NDUFS7: variants seen among roughly 807,000 people sequenced by gnomAD.
NDUFS7 encodes NADH:ubiquinone oxidoreductase core subunit S7.
NDUFS7 carries 11 observed loss-of-function variants against 31.1 expected under a neutral mutation model. That is an observed-to-expected ratio of 0.35 (90% CI 0.22 to 0.59). The LOEUF (loss-of-function observed/expected upper bound fraction) is 0.59. Ranked by LOEUF, NDUFS7 falls within the 20% of genes least tolerant of loss-of-function variation. NDUFS7 has a pLI of 0.79. For missense variants in NDUFS7, 263 were observed against 324.2 expected (o/e 0.81, Z 1.45); for synonymous variants, 136 against 127.9 (o/e 1.06, Z -0.43).
intron 4 of NDUFS7, chr19:1,390,494 T>C (rs73920449): frequency 0.087 from 29,978 of 343,238 alleles, 3,165 homozygotes; most frequent in African/African-American, 0.29. Flanking sequence ...ACTTGGTATG[T>C]GGACCCAGAT....
At chr19:1,395,255 C>T (rs1254411380) in intron 7 of NDUFS7, 136 bp from the exon 8 acceptor site, 36 of 1,461,508 alleles carry the variant, frequency 2.5e-5, no homozygotes, top group African/African-American at 7.0e-5. Context: ...CCTGGCACTG[C>T]GCCCACCCAG....
At chr19:1,387,327 C>T (rs747983009) in intron 1 of NDUFS7, among the ~76,000 whole-genome samples, 1 of 152,228 alleles carries the variant, frequency 6.6e-6, no homozygotes, top group Non-Finnish European at 1.5e-5. Context: ...CACAAGCACG[C>T]ATAGATGGAG....
At chr19:1,388,257 G>C in intron 2 of NDUFS7, 1 of 591,642 alleles carries the variant, frequency 1.7e-6, no homozygotes, top group Non-Finnish European at 3.0e-6. Context: ...GTTTCCTTCT[G>C]TGGATGATCC....
chr19:1,389,321 G>A (rs1568990381), intron 4 of NDUFS7: 2 of 461,476 alleles, frequency 4.3e-6, no homozygotes, highest in South Asian at 3.2e-5. Context: ...GCACACACAT[G>A]CACACTCACA....
chr19:1,394,514 T>C (rs1163302027), intron 7 of NDUFS7: 2 of 1,228,374 alleles, frequency 1.6e-6, no homozygotes, highest in African/African-American at 3.9e-5. Context: ...GGGACCGTGC[T>C]CCTCCCTCCC....
rs763039384 is a variant in NDUFS7, at chr19:1,387,857, T to G, written c.53+10T>G. The G allele has an allele frequency of 3.4e-5, 50 of 1,490,902 alleles. No homozygotes were observed. The highest frequency in any genetic ancestry group is 4.4e-5 in the Non-Finnish European group (49 of 1,112,942). The allele number at this position is 1,490,902 out of a possible 1,614,324, so 92.4% of individuals were successfully genotyped here. A position where few individuals can be genotyped will look rare whatever the true frequency, so the allele number is the denominator to read the frequency against. On this transcript the variant is annotated intron_variant, in intron 2 of 7. Coordinates refer to ENST00000233627, the MANE Select transcript of NDUFS7 (RefSeq NM_024407.5). The stretch of plus-strand genomic sequence containing the variant: ...GGATCCTTGGTCTGCGGTGAGTGCC[T>G]GAGTCTCCAGCCCTCAGCTGGGAGG...
In NDUFS7 at chr19:1,393,374, G is replaced by A; in HGVS notation, c.544+44G>A. 1 of 1,507,130 alleles carries A rather than the reference G, an allele frequency of 6.6e-7. No individual in the cohort carries two copies. 93.4% of individuals were successfully genotyped at this position (1,507,130 alleles called of 1,614,324 possible). On this transcript the variant is annotated intron_variant, in intron 7 of 7. Transcript: ENST00000233627. This position sits in a 1 kb window ranked among gnomAD's most constrained non-coding sequence, Gnocchi z 7.3. ...CGCCCACGAGGGAGCTGGAGACAGGGCCAGCGCCACACGGAGCCCGGCGGC... is the reference window on the plus strand; with the variant it reads ...CGCCCACGAGGGAGCTGGAGACAGGACCAGCGCCACACGGAGCCCGGCGGC...
At chr19:1,387,953 C>T (rs1020911392) in intron 2 of NDUFS7, 106 bp downstream of exon 2, 8 of 857,024 alleles carry the variant, frequency 9.3e-6, no homozygotes, top group South Asian at 2.9e-5. Context: ...TTGAAGGTCA[C>T]GTGTCATGTT....
Position 1,389,295 on chromosome 19 carries a change from A to G in NDUFS7, c.228+357A>G, listed in dbSNP as rs769906793. ...CACGCACACTCGCACACACGTGCAC[A>G]TATATGCACAGTCATGCACACACAT... On this transcript the variant is annotated intron_variant, in intron 4 of 7. Coordinates refer to ENST00000233627, the MANE Select transcript of NDUFS7 (RefSeq NM_024407.5). 5.3e-6 allele frequency: 3 copies of G among 561,976 alleles called. No homozygotes were observed. The Admixed American group carries it at 6.8e-5, about 13-fold the overall frequency. The allele number at this position is 561,976 out of a possible 1,614,324, so 34.8% of individuals were successfully genotyped here. A position where few individuals can be genotyped will look rare whatever the true frequency, so the allele number is the denominator to read the frequency against.
intron 4 of NDUFS7, chr19:1,389,347 C>T (rs945694403): frequency 2.1e-6 from 1 of 482,242 alleles, no homozygotes; most frequent in Non-Finnish European, 4.1e-6. Flanking sequence ...GCACACACGT[C>T]CTTGTGTGGA....
At chr19:1,391,533 C>G (rs1348530047) in intron 6 of NDUFS7, among the ~76,000 whole-genome samples, 2 of 147,040 alleles carry the variant, frequency 1.4e-5, no homozygotes, top group Non-Finnish European at 3.0e-5. Context: ...TCAACCCAGG[C>G]TGGAGTGCGG....
intron 6 of NDUFS7, chr19:1,392,962 A>G (rs1241445810): frequency 1.9e-6 from 1 of 533,536 alleles, no homozygotes; most frequent in Admixed American, 3.2e-5. Context: ...GACACATGTG[A>G]TCTGACACAT....
At chr19:1,387,510 C>G (rs2082515290) in intron 1 of NDUFS7, among the ~76,000 whole-genome samples, 1 of 152,174 alleles carries the variant, frequency 6.6e-6, no homozygotes, top group Non-Finnish European at 1.5e-5. Flanking sequence ...GGGTGTCCCC[C>G]ACAGGGCAGC....
intron 1 of NDUFS7, among the ~76,000 whole-genome samples, chr19:1,385,065 C>T (rs2082498548): frequency 1.3e-5 from 2 of 152,208 alleles, no homozygotes; most frequent in African/African-American, 4.8e-5. Flanking sequence ...ATCCTCCCAC[C>T]TGAGCCTCCC....
At chr19:1,388,342 T>C (rs2082523491) in intron 2 of NDUFS7, 183 bp from the exon 3 acceptor site, 1 of 645,732 alleles carries the variant, frequency 1.5e-6, no homozygotes. Context: ...GTCTGGGCCA[T>C]CATTGGGGGT....
Position 1,384,095 on chromosome 19 carries a change from C to T in NDUFS7, c.16+153C>T, listed in dbSNP as rs572398869. The stretch of plus-strand genomic sequence containing the variant: ...CCGGCCGCTCCTCGGGCTCCCCGCC[C>T]GGCTTGCGATGAACGGTCGCCGTTA... On this transcript the variant is annotated intron_variant, in intron 1 of 7. Transcript: ENST00000233627. 1.3e-5 allele frequency: 11 copies of T among 839,874 alleles called. No individual in the cohort carries two copies. The African/African-American group carries it at 1.7e-4, about 13-fold the overall frequency. 52.0% of individuals were successfully genotyped at this position (839,874 alleles called of 1,614,324 possible).
At chr19:1,395,341 T>C in intron 7 of NDUFS7, 50 bp from the exon 8 acceptor site, 1 of 1,569,332 alleles carries the variant, frequency 6.4e-7, no homozygotes, top group South Asian at 1.2e-5. Flanking sequence ...GTGCACGCGG[T>C]CACGCGGGCT....
chr19:1,389,081 G>C (rs1483074475), intron 4 of NDUFS7, 143 bp downstream of exon 4: 5 of 767,290 alleles, frequency 6.5e-6, no homozygotes, highest in Admixed American at 2.0e-5. Flanking sequence ...GTGCATGCAA[G>C]CTCACATGTA....
rs754190573 is a variant in NDUFS7 at position 1,391,154 on chromosome 19, C to T, written c.444C>T (p.Val148=). 3.7e-6 allele frequency: 6 copies of T among 1,612,534 alleles called. No homozygotes were observed. Among genetic ancestry groups the T allele is most frequent in the Non-Finnish European group, 5.1e-6 (6 of 1,179,580 alleles). ...YDQMPEPRYV[V]SMGSCANGGG... ...AGATGCCGGAGCCGCGCTACGTGGTCTCCATGGGGAGGTGAGTGCAGGGCG... is the reference window on the plus strand; with the variant it reads ...AGATGCCGGAGCCGCGCTACGTGGTTTCCATGGGGAGGTGAGTGCAGGGCG... Residue 148 remains valine, a synonymous_variant, in exon 6 of 8, where the codon GTC becomes GTT. Transcript: ENST00000233627.
Sources: allele counts gnomAD v4.1 joint callset (sites outside exome capture counted in the v4.1 genomes callset), GRCh38; gene constraint gnomAD v4.1.1; non-coding constraint Gnocchi (gnomAD v3.1); transcripts MANE v1.5; gene names NCBI Gene and HGNC (gene_info 2026-07-23, HGNC 2026-07-21).